Variants in DPP6 observed in about 807,000 individuals in gnomAD.
The protein encoded by DPP6 is dipeptidyl peptidase like 6, also known as A-type potassium channel modulatory protein DPP6.
In DPP6, 69 loss-of-function variants were observed where a neutral mutation model predicts 122.6. That is an observed-to-expected ratio of 0.56 (90% confidence interval 0.46 to 0.69). DPP6 has a LOEUF of 0.69. Among genes scored for constraint, DPP6 ranks in the 30% least tolerant of loss-of-function variants. DPP6 has a pLI of 0.00. For synonymous variants in DPP6, 418 were observed against 433.1 expected, an observed-to-expected ratio of 0.97 and a Z score of 0.43; for missense variants, 928 against 1,116.9, an observed-to-expected ratio of 0.83 and a Z score of 2.41.
chr7:154,068,059 G>A (rs1802868411), intron 1 of DPP6, among the ~76,000 whole-genome samples: 1 of 151,936 alleles, frequency 6.6e-6, no homozygotes, highest in Non-Finnish European at 1.5e-5. Context: ...ACCGTGCCTG[G>A]CAAGAGACTC....
chr7:154,617,294 A>G (rs536505928), intron 5 of DPP6, among the ~76,000 whole-genome samples: 1 of 152,200 alleles, frequency 6.6e-6, no homozygotes, highest in South Asian at 2.1e-4. Context: ...AAGCAGAAGA[A>G]GTTTCTTTGG....
chr7:154,699,082 T>C (rs1373370449), intron 7 of DPP6, among the ~76,000 whole-genome samples: 1 of 152,108 alleles, frequency 6.6e-6, no homozygotes, highest in Non-Finnish European at 1.5e-5. Context: ...AAGCAGACAC[T>C]GTCTGAGAAG....
At chr7:153,848,629 T>G in the DPP6 span, among the ~76,000 whole-genome samples, 1 of 152,222 alleles carries the variant, frequency 6.6e-6, no homozygotes, top group Non-Finnish European at 1.5e-5. Flanking sequence ...CAAATGGTTT[T>G]CTTTTTAAAA....
chr7:154,788,859 C>T (rs1362042123), intron 10 of DPP6, among the ~76,000 whole-genome samples: 1 of 152,170 alleles, frequency 6.6e-6, no homozygotes, highest in East Asian at 1.9e-4. Context: ...ACCTCCATGT[C>T]ACCTTCCTCT....
intron 1 of DPP6, among the ~76,000 whole-genome samples, chr7:154,196,599 G>A (rs1413226754): frequency 5.9e-5 from 9 of 152,320 alleles, no homozygotes; most frequent in East Asian, 1.9e-4. Flanking sequence ...TTTATGAAAA[G>A]GATGATGACC....
At position 154,411,429 on chromosome 7, in the gene DPP6, A is replaced by G. The variant is rs559740687; in HGVS notation, c.244-34785A>G. On this transcript the variant is annotated intron_variant, in intron 1 of 25. Transcript: ENST00000377770. The stretch of plus-strand genomic sequence containing the variant: ...TAATTTTTTATATTTTTAGTAGAGA[A>G]GGGATCTCACTATGTGGCCAAGGCT... 3.0e-3 allele frequency among the ~76,000 whole-genome samples: 459 copies of G among 152,188 alleles called. 4 individuals carry two copies. Among genetic ancestry groups the G allele is most frequent in the African/African-American group, 0.011 (442 of 41,520 alleles).
the DPP6 span, among the ~76,000 whole-genome samples, chr7:153,785,796 G>A: frequency 6.6e-6 from 1 of 152,012 alleles, no homozygotes; most frequent in East Asian, 1.9e-4. Flanking sequence ...GGGACTACTG[G>A]TGTGTGTGCT....
chr7:153,920,601 C>T (rs10259738), intron 1 of DPP6, among the ~76,000 whole-genome samples: 37,800 of 119,916 alleles, frequency 0.32, 6,343 homozygotes, highest in East Asian at 0.62. Context: ...CTCACTCTGT[C>T]CCAGGCTGGA....
chr7:154,148,422 C>G (rs866532257), intron 1 of DPP6, among the ~76,000 whole-genome samples: 1,556 of 147,580 alleles, frequency 0.011, 1 homozygote, highest in African/African-American at 0.038. Flanking sequence ...AGGTGTTCCG[C>G]GCAGGCTCTG....
At chr7:154,579,322 C>T (rs1332102458) in intron 5 of DPP6, among the ~76,000 whole-genome samples, 3 of 152,078 alleles carry the variant, frequency 2.0e-5, no homozygotes, top group Admixed American at 6.5e-5. Context: ...GCACTACCGC[C>T]TGGGCAACAA....
intron 10 of DPP6, among the ~76,000 whole-genome samples, chr7:154,787,810 A>T (rs116063489): frequency 0.014 from 2,088 of 152,274 alleles, 48 homozygotes; most frequent in African/African-American, 0.048. Context: ...ACCATTTTGA[A>T]AACTTTACCA....
At chr7:154,620,999 C>T (rs1460940758) in intron 5 of DPP6, among the ~76,000 whole-genome samples, 2 of 152,192 alleles carry the variant, frequency 1.3e-5, no homozygotes, top group Non-Finnish European at 2.9e-5. Context: ...ACTACAAGAA[C>T]TGTATGGACA....
intron 1 of DPP6, among the ~76,000 whole-genome samples, chr7:153,977,780 C>G (rs1796383718): frequency 6.6e-6 from 1 of 152,016 alleles, no homozygotes; most frequent in South Asian, 2.1e-4. Flanking sequence ...TTGTTCAACT[C>G]CCACCTATGA....
rs1192040038 is a variant in DPP6 at position 154,510,969 on chromosome 7, CACAG to C, written c.458-29561_458-29558del. 4.2e-3 allele frequency among the ~76,000 whole-genome samples: 494 copies of C among 118,948 alleles called. 2 individuals are homozygous for C. Among genetic ancestry groups the C allele is most frequent in the Middle Eastern group, 4.9e-3 (1 of 204 alleles). 78.0% of individuals were successfully genotyped at this position (118,948 alleles called of 152,430 possible). On this transcript the variant is annotated intron_variant, in intron 3 of 25. Transcript: ENST00000377770. ...ACACACACACACACACACACACACA[CACAG>C]AGAGAGAGAGAGCAAGGAAAAGATA...
chr7:154,178,775 T>G (rs1412465091), intron 1 of DPP6, among the ~76,000 whole-genome samples: 6 of 152,166 alleles, frequency 3.9e-5, no homozygotes, highest in African/African-American at 1.4e-4. Flanking sequence ...ATGGAAGGAT[T>G]CAGATTAGGA....
chr7:154,227,775 G>A (rs768828147), intron 1 of DPP6, among the ~76,000 whole-genome samples: 3 of 152,104 alleles, frequency 2.0e-5, no homozygotes, highest in Non-Finnish European at 2.9e-5. Context: ...AACTGAAGGA[G>A]TACTGAGTGC....
chr7:154,276,809 T>C (rs1456996445), intron 1 of DPP6, among the ~76,000 whole-genome samples: 1 of 152,226 alleles, frequency 6.6e-6, no homozygotes, highest in Non-Finnish European at 1.5e-5. Context: ...CATAAGTTTC[T>C]TAAGTGAGCA....
intron 13 of DPP6, among the ~76,000 whole-genome samples, 160 bp from the exon 14 acceptor site, chr7:154,803,704 T>C (rs888305320): frequency 9.2e-5 from 14 of 152,264 alleles, no homozygotes; most frequent in African/African-American, 3.1e-4. Context: ...AGGAGGATGT[T>C]GCCTCCCAGG....
intron 1 of DPP6, among the ~76,000 whole-genome samples, chr7:153,985,086 C>T (rs1796775591): frequency 6.6e-6 from 1 of 152,224 alleles, no homozygotes; most frequent in Non-Finnish European, 1.5e-5. Flanking sequence ...GGTCCCTGCT[C>T]GCAGTGCTGA....
Sources: allele counts gnomAD v4.1 joint callset (sites outside exome capture counted in the v4.1 genomes callset), GRCh38; gene constraint gnomAD v4.1.1; transcripts MANE v1.5; gene names NCBI Gene and HGNC (gene_info 2026-07-23, HGNC 2026-07-21).